Variants in TARS3 observed in about 807,000 individuals in gnomAD.
TARS3 encodes threonine--tRNA ligase 2, cytoplasmic.
In TARS3, 94 loss-of-function variants were observed where a neutral mutation model predicts 103.5. The observed-to-expected ratio is 0.91, with a 90% CI of 0.77 to 1.08. TARS3 has a LOEUF of 1.08. Among genes scored for constraint, TARS3 ranks in the 50% least tolerant of loss-of-function variants. TARS3 has a pLI of 0.00. For synonymous variants in TARS3, 416 were observed against 355.4 expected (o/e 1.17, Z -1.92); for missense variants, 952 against 995.2 (o/e 0.96, Z 0.58).
chr15:101,687,720 G>T (rs538408438), intron 10 of TARS3, among the ~76,000 whole-genome samples: 132 of 152,266 alleles, frequency 8.7e-4, no homozygotes, highest in Non-Finnish European at 1.2e-3. Flanking sequence ...CCCCAAAATT[G>T]TGATATTGAT....
At chr15:101,675,819 A>T (rs1897999232) in intron 12 of TARS3, 82 bp from the exon 13 acceptor site, 1 of 1,436,002 alleles carries the variant, frequency 7.0e-7, no homozygotes, top group Non-Finnish European at 9.5e-7. Context: ...CATGTCAGAC[A>T]GAAATAAAGC....
chr15:101,692,066 T>C (rs2141415743), intron 10 of TARS3, among the ~76,000 whole-genome samples: 1 of 152,386 alleles, frequency 6.6e-6, no homozygotes, highest in East Asian at 1.9e-4. Flanking sequence ...TGGTTCTGTT[T>C]CTGTGGAGAA....
At chr15:101,715,185 C>G (rs1298444622) in intron 3 of TARS3, among the ~76,000 whole-genome samples, 1 of 144,902 alleles carries the variant, frequency 6.9e-6, no homozygotes, top group South Asian at 2.2e-4. Context: ...CTCGCTCTGT[C>G]GCCCAGGCTG....
At chr15:101,702,474 C>A (rs2141430935) in intron 8 of TARS3, 89 bp from the exon 9 acceptor site, 1 of 1,151,036 alleles carries the variant, frequency 8.7e-7, no homozygotes, top group Non-Finnish European at 1.3e-6. Flanking sequence ...TTTCCACTAT[C>A]ATATCAACAA....
chr15:101,664,005 G>T (rs1248583930), intron 15 of TARS3, among the ~76,000 whole-genome samples: 1 of 152,030 alleles, frequency 6.6e-6, no homozygotes, highest in African/African-American at 2.4e-5. Flanking sequence ...TGCTTTTTTA[G>T]GGAAAAACCC....
chr15:101,721,180 G>A lies in TARS3; in HGVS notation c.512C>T (p.Thr171Ile). Residue 171 changes from threonine to isoleucine, a missense_variant, in exon 3 of 19, where the codon ACA (threonine) becomes ATA (isoleucine). By Grantham distance (89) the Thr-to-Ile change is moderately conservative. This residue lies in a region of TARS3 where 412 missense variants were observed against 364.2 expected (regional missense o/e 1.13). Transcript: ENST00000335968. ...IITVRVADGQ[T>I]VQGEVWKTTP... ...TGTTTTCCAGACTTCCCCTTGCACT[G>A]TTTGCCCATCAGCCACTCTTACTGT... The A allele has an allele frequency of 6.2e-7, 1 of 1,612,834 alleles. No individual in the cohort carries two copies. Among genetic ancestry groups the A allele is most frequent in the Non-Finnish European group, 8.5e-7 (1 of 1,179,000 alleles).
intron 7 of TARS3, among the ~76,000 whole-genome samples, chr15:101,704,604 G>A (rs1340886277): frequency 6.7e-6 from 1 of 150,276 alleles, no homozygotes; most frequent in Non-Finnish European, 1.5e-5. Context: ...GCGGTGAACC[G>A]AGGTCGCGCC....
chr15:101,723,957 C>A (rs1371495817), intron 1 of TARS3, 134 bp downstream of exon 1: 4 of 854,000 alleles, frequency 4.7e-6, no homozygotes, highest in Non-Finnish European at 6.4e-6. Context: ...GCAGGGCGGG[C>A]CAGCCGCAGG....
At chr15:101,673,785 G>T (rs28684913) in intron 13 of TARS3, among the ~76,000 whole-genome samples, 21,309 of 152,100 alleles carry the variant, frequency 0.14, 2,010 homozygotes, top group African/African-American at 0.27. Flanking sequence ...TCAGTGGGGA[G>T]GAGAAGGCCC....
At chr15:101,700,988 A>G in intron 10 of TARS3, 98 bp downstream of exon 10, 1 of 751,362 alleles carries the variant, frequency 1.3e-6, no homozygotes, top group East Asian at 2.9e-5. Flanking sequence ...TTACCAAAGT[A>G]AAGTTAATGG....
intron 15 of TARS3, among the ~76,000 whole-genome samples, chr15:101,671,164 T>C (rs1897784097): frequency 6.6e-6 from 1 of 152,170 alleles, no homozygotes; most frequent in Admixed American, 6.5e-5. Flanking sequence ...CAAGAAAACA[T>C]CTCATCCTTA....
At chr15:101,674,592 G>T (rs1276623950) in intron 13 of TARS3, among the ~76,000 whole-genome samples, 1 of 152,004 alleles carries the variant, frequency 6.6e-6, no homozygotes, top group African/African-American at 2.4e-5. Context: ...GGATCAGGAG[G>T]TCAGGAGATC....
chr15:101,684,921 G>A (rs928370370), intron 11 of TARS3, among the ~76,000 whole-genome samples: 6 of 152,182 alleles, frequency 3.9e-5, no homozygotes, highest in Non-Finnish European at 8.8e-5. Flanking sequence ...TTTAAAGGAT[G>A]CCTTTGAGAA....
chr15:101,709,794 G>A (rs1442972284), intron 5 of TARS3, among the ~76,000 whole-genome samples: 2 of 152,216 alleles, frequency 1.3e-5, no homozygotes, highest in East Asian at 1.9e-4. Flanking sequence ...ACGAATACTG[G>A]AGCCATGTTA....
At chr15:101,688,112 A>C (rs1445677156) in intron 10 of TARS3, among the ~76,000 whole-genome samples, 1 of 152,154 alleles carries the variant, frequency 6.6e-6, no homozygotes, top group Admixed American at 6.5e-5. Flanking sequence ...AGATATCTAT[A>C]TATATTATGC....
At chr15:101,668,251 T>A (rs1292658417) in intron 15 of TARS3, among the ~76,000 whole-genome samples, 1 of 152,182 alleles carries the variant, frequency 6.6e-6, no homozygotes, top group Non-Finnish European at 1.5e-5. Flanking sequence ...GACTTATGAC[T>A]CTTCTTTAAA....
At chr15:101,668,402 C>T (rs1057186007) in intron 15 of TARS3, among the ~76,000 whole-genome samples, 9 of 152,046 alleles carry the variant, frequency 5.9e-5, no homozygotes, top group Non-Finnish European at 1.0e-4. Flanking sequence ...CGACATTTAT[C>T]GGTAAAGTTC....
intron 5 of TARS3, among the ~76,000 whole-genome samples, chr15:101,709,697 C>T (rs1899759356): frequency 1.3e-5 from 2 of 152,216 alleles, no homozygotes; most frequent in Non-Finnish European, 2.9e-5. Context: ...ACACTGTTAG[C>T]TCCATGAGGA....
Position 101,705,903 on chromosome 15 carries a change from G to A in TARS3, c.931-156C>T, listed in dbSNP as rs765796479. Among the ~76,000 whole-genome samples the A allele has an allele frequency of 4.6e-5, 7 of 152,284 alleles. No homozygotes were observed. In the South Asian group the frequency reaches 6.2e-4, roughly 14 times the overall value. Reference sequence around the variant, plus strand: ...AGAGCTCACAGCCTTGAGCGACACCGTGCAGCATGGAGGCCACAAGCCACG... The same window carrying A: ...AGAGCTCACAGCCTTGAGCGACACCATGCAGCATGGAGGCCACAAGCCACG... On this transcript the variant is annotated intron_variant, in intron 6 of 18. Coordinates refer to ENST00000335968, the MANE Select transcript of TARS3 (RefSeq NM_152334.3).
Sources: allele counts gnomAD v4.1 joint callset (sites outside exome capture counted in the v4.1 genomes callset), GRCh38; gene constraint gnomAD v4.1.1; regional missense constraint gnomAD v4.1.1; transcripts MANE v1.5; gene names NCBI Gene and HGNC (gene_info 2026-07-23, HGNC 2026-07-21).